The following CDK8 variants were observed in gnomAD, a reference collection of about 807,000 sequenced individuals.
CDK8 encodes cyclin-dependent kinase 8.
CDK8 carries 29 observed loss-of-function variants against 71.5 expected under a neutral mutation model. The ratio of observed to expected loss-of-function variants is 0.41; its 90% confidence interval spans 0.30 to 0.55. The LOEUF (loss-of-function observed/expected upper bound fraction) is 0.55. Ranked by LOEUF, CDK8 falls within the 20% of genes least tolerant of loss-of-function variation. The pLI is 0.37. For synonymous variants in CDK8, 161 were observed against 192.1 expected (o/e 0.84, Z 1.34); for missense variants, 288 against 572.6 (o/e 0.50, Z 5.07).
intron 4 of CDK8, among the ~76,000 whole-genome samples, chr13:26,360,787 A>T (rs1213500875): frequency 1.3e-5 from 2 of 152,214 alleles, no homozygotes; most frequent in Non-Finnish European, 2.9e-5. Context: ...ATGCATATCT[A>T]CAGACACATG....
In CDK8 at chr13:26,254,560, C is replaced by A; in HGVS notation, c.-82C>A. The A allele has an allele frequency of 7.9e-7, 1 of 1,270,732 alleles. No individual in the cohort carries two copies. The highest frequency in any genetic ancestry group is 1.1e-6 in the Non-Finnish European group (1 of 928,828). 78.7% of individuals were successfully genotyped at this position (1,270,732 alleles called of 1,614,324 possible). ...CGTAGAGCGGGCGGGTTCCCGGGGGCTGCGGCTGCCCGTGCTTCCCCGGTC... is the reference window on the plus strand; with the variant it reads ...CGTAGAGCGGGCGGGTTCCCGGGGGATGCGGCTGCCCGTGCTTCCCCGGTC... On this transcript the variant is annotated 5_prime_UTR_variant, in exon 1 of 13. In the 5' UTR this introduces an upstream ATG that the reference lacks. Coordinates refer to ENST00000381527, the MANE Select transcript of CDK8 (RefSeq NM_001260.3). The surrounding 1 kb of genome is among the most constrained non-coding windows in gnomAD (Gnocchi z 6.7).
intron 4 of CDK8, among the ~76,000 whole-genome samples, chr13:26,355,592 C>T (rs1350725415): frequency 2.6e-5 from 4 of 151,972 alleles, no homozygotes; most frequent in African/African-American, 7.3e-5. Context: ...CCAGCCTGGG[C>T]GACAGAGCGA....
intron 1 of CDK8, among the ~76,000 whole-genome samples, chr13:26,284,777 G>T (rs953654161): frequency 1.1e-4 from 16 of 151,726 alleles, no homozygotes; most frequent in African/African-American, 3.9e-4. Context: ...TTTGAAGCCA[G>T]TATCACCCTA....
intron 2 of CDK8, among the ~76,000 whole-genome samples, chr13:26,344,081 G>A (rs547328756): frequency 6.6e-5 from 10 of 151,984 alleles, no homozygotes. Context: ...AGTATCTATT[G>A]TTGCTATCTT....
At chr13:26,317,902 GCT>G (rs1874588188) in intron 1 of CDK8, among the ~76,000 whole-genome samples, 1 of 151,952 alleles carries the variant, frequency 6.6e-6, no homozygotes, top group African/African-American at 2.4e-5. Flanking sequence ...TAAACCCAAA[GCT>G]GGCAAAAGGA....
intron 2 of CDK8, among the ~76,000 whole-genome samples, chr13:26,343,975 G>A (rs576253606): frequency 6.6e-6 from 1 of 152,138 alleles, no homozygotes; most frequent in Admixed American, 6.5e-5. Context: ...CTGAGGTTTG[G>A]TGTGGGAATG....
At chr13:26,293,221 C>T (rs972834904) in intron 1 of CDK8, among the ~76,000 whole-genome samples, 11 of 152,084 alleles carry the variant, frequency 7.2e-5, no homozygotes, top group Non-Finnish European at 1.6e-4. Flanking sequence ...AATTTGTCAT[C>T]TGAATGTTCT....
chr13:26,371,212 T>C (rs561040381), intron 4 of CDK8, among the ~76,000 whole-genome samples: 3 of 152,340 alleles, frequency 2.0e-5, no homozygotes, highest in African/African-American at 4.8e-5. Flanking sequence ...TTTAGGACTT[T>C]TATATATCAA....
At chr13:26,350,034 G>C (rs540709382) in intron 3 of CDK8, among the ~76,000 whole-genome samples, 1 of 152,158 alleles carries the variant, frequency 6.6e-6, no homozygotes, top group Non-Finnish European at 1.5e-5. Context: ...AACATGTACA[G>C]GTTTGTAGCC....
chr13:26,290,267 C>A (rs1593242298), intron 1 of CDK8, among the ~76,000 whole-genome samples: 1 of 152,234 alleles, frequency 6.6e-6, no homozygotes, highest in South Asian at 2.1e-4. Flanking sequence ...CATGCTAATT[C>A]ACTTTTCAGA....
chr13:26,369,245 G>C (rs1465401164), intron 4 of CDK8, among the ~76,000 whole-genome samples: 1 of 150,802 alleles, frequency 6.6e-6, no homozygotes, highest in African/African-American at 2.4e-5. Flanking sequence ...AGGAGTTCAA[G>C]ACCAGCCTGG....
chr13:26,284,129 T>C (rs1475707474), intron 1 of CDK8, among the ~76,000 whole-genome samples: 2 of 152,202 alleles, frequency 1.3e-5, no homozygotes, highest in Non-Finnish European at 2.9e-5. Context: ...ACTTCTGGAA[T>C]ATAGCAAATG....
At chr13:26,373,851 T>C (rs9581654) in intron 4 of CDK8, among the ~76,000 whole-genome samples, 3,453 of 151,740 alleles carry the variant, frequency 0.023, 134 homozygotes, top group African/African-American at 0.079. Flanking sequence ...GGAAAAGAGA[T>C]AGTGTGTGTT....
At chr13:26,257,281 C>T (rs1205822378) in intron 1 of CDK8, among the ~76,000 whole-genome samples, 6 of 152,036 alleles carry the variant, frequency 3.9e-5, no homozygotes, top group Admixed American at 1.3e-4. Context: ...TGTATGTAAA[C>T]GTTGTATCCT....
At chr13:26,305,127 C>A (rs937801902) in intron 1 of CDK8, among the ~76,000 whole-genome samples, 11 of 152,148 alleles carry the variant, frequency 7.2e-5, no homozygotes, top group Admixed American at 6.5e-4. Context: ...CTGAAGAACA[C>A]CCTTTAGTGT....
chr13:26,262,043 C>T (rs1036010418), intron 1 of CDK8, among the ~76,000 whole-genome samples: 2 of 152,198 alleles, frequency 1.3e-5, no homozygotes, highest in Non-Finnish European at 2.9e-5. Flanking sequence ...TTTCCTCAGG[C>T]AGCACCTTGT....
chr13:26,399,249 A>T (rs778550563), intron 9 of CDK8, among the ~76,000 whole-genome samples: 18 of 152,140 alleles, frequency 1.2e-4, no homozygotes, highest in Non-Finnish European at 1.9e-4. Context: ...ACCTCAGGTG[A>T]TCCATCCACC....
chr13:26,254,414 T>C lies in CDK8; in HGVS notation c.-228T>C. On this transcript the variant is annotated 5_prime_UTR_variant, in exon 1 of 13. Coordinates refer to ENST00000381527, the MANE Select transcript of CDK8 (RefSeq NM_001260.3). The surrounding 1 kb of genome is among the most constrained non-coding windows in gnomAD (Gnocchi z 6.7). ...TCGGCTCTCCTTCGCCGGGGGATCC[T>C]CCCCGTTCCTCCACCCCCGGCCGGC... The C allele has an allele frequency of 2.5e-6, 1 of 399,146 alleles. No homozygotes were observed. The highest frequency in any genetic ancestry group is 4.6e-6 in the Non-Finnish European group (1 of 218,382). 24.7% of individuals were successfully genotyped at this position (399,146 alleles called of 1,614,324 possible). A position where few individuals can be genotyped will look rare whatever the true frequency, so the allele number is the denominator to read the frequency against.
intron 3 of CDK8, among the ~76,000 whole-genome samples, chr13:26,349,776 A>G (rs1042401342): frequency 5.3e-5 from 8 of 149,954 alleles, no homozygotes; most frequent in Non-Finnish European, 1.2e-4. Flanking sequence ...AATGTAGGAA[A>G]CTGTTATTAA....
Sources: gnomAD v4.1 joint callset for allele counts (sites outside exome capture counted in the v4.1 genomes callset) on GRCh38, gnomAD v4.1.1 for gene constraint, Gnocchi (gnomAD v3.1) non-coding constraint, MANE v1.5 for transcripts, NCBI Gene and HGNC (gene_info 2026-07-23, HGNC 2026-07-21) for gene names.